PARVA: variants seen among roughly 807,000 people sequenced by gnomAD.
PARVA encodes the protein alpha-parvin.
In PARVA, 25 loss-of-function variants were observed where a neutral mutation model predicts 52.6. The ratio of observed to expected loss-of-function variants is 0.48; its 90% CI spans 0.35 to 0.66. PARVA has a LOEUF of 0.66. Ranked by LOEUF, PARVA falls within the 30% of genes least tolerant of loss-of-function variation. The probability of loss-of-function intolerance (pLI) is 0.01; values close to 1 mark genes in which losing one functional copy is unlikely to be tolerated. For missense variants in PARVA, 373 were observed against 450.9 expected, an observed-to-expected ratio of 0.83 and a Z score of 1.56; for synonymous variants, 185 against 179.1, an observed-to-expected ratio of 1.03 and a Z score of -0.26.
At chr11:12,390,155 C>T (rs1022714827) in intron 1 of PARVA, among the ~76,000 whole-genome samples, 2 of 152,158 alleles carry the variant, frequency 1.3e-5, no homozygotes, top group Non-Finnish European at 2.9e-5. Context: ...TCGTTTCTTT[C>T]CAGGAAACAT....
intron 6 of PARVA, among the ~76,000 whole-genome samples, chr11:12,505,760 T>C (rs1367642586): frequency 6.6e-6 from 1 of 152,226 alleles, no homozygotes; most frequent in East Asian, 1.9e-4. Flanking sequence ...TCAAGCATCT[T>C]CCTAGTGAGT....
At position 12,472,530 on chromosome 11, in the gene PARVA, G is replaced by A. The variant is rs118016324; in HGVS notation, c.137-1215G>A. ...CCATGCAAGTTGTGTCTCTTAGGGC[G>A]TAGAGAGTGTTTCACTCCCTTTGTT... On this transcript the variant is annotated intron_variant, in intron 1 of 12. Transcript: ENST00000334956. 2.2e-4 allele frequency among the ~76,000 whole-genome samples: 34 copies of A among 152,256 alleles called. No homozygotes were observed. In the East Asian group the frequency reaches 5.0e-3, roughly 23 times the overall value.
chr11:12,382,826 A>G (rs1810037821), intron 1 of PARVA, among the ~76,000 whole-genome samples: 1 of 152,236 alleles, frequency 6.6e-6, no homozygotes, highest in South Asian at 2.1e-4. Context: ...TGAGAATAAG[A>G]ATTCCTTCTT....
Position 12,466,455 on chromosome 11 carries a change from C to T in PARVA, c.137-7290C>T, listed in dbSNP as rs564608515. 1.4e-4 allele frequency among the ~76,000 whole-genome samples: 22 copies of T among 151,916 alleles called. No individual in the cohort carries two copies. The East Asian group carries it at 2.9e-3, about 20-fold the overall frequency. ...CCAAGTAGCTGGGACTACAGGCATGCGCCACCATGCCTGGCTAATTTTTGT... is the reference window on the plus strand; with the variant it reads ...CCAAGTAGCTGGGACTACAGGCATGTGCCACCATGCCTGGCTAATTTTTGT... On this transcript the variant is annotated intron_variant, in intron 1 of 12. Transcript: ENST00000334956.
chr11:12,406,921 C>G (rs144884144), intron 1 of PARVA, among the ~76,000 whole-genome samples: 28 of 152,128 alleles, frequency 1.8e-4, no homozygotes, highest in African/African-American at 5.1e-4. Flanking sequence ...CCACCTGCCT[C>G]GGCTTCCCAA....
chr11:12,470,361 CTTTGCATATAT>C (rs1371609067), intron 1 of PARVA, among the ~76,000 whole-genome samples: 2 of 152,208 alleles, frequency 1.3e-5, no homozygotes, highest in Non-Finnish European at 2.9e-5. Flanking sequence ...CTTCTGGGTA[CTTTGCATATAT>C]TAACTCATTT....
At chr11:12,402,738 A>C (rs933944264) in intron 1 of PARVA, among the ~76,000 whole-genome samples, 1 of 152,144 alleles carries the variant, frequency 6.6e-6, no homozygotes, top group African/African-American at 2.4e-5. Flanking sequence ...TTTCAAAGAG[A>C]TGTTGACATG....
At chr11:12,377,485 G>A, upstream of PARVA, 1 of 1,418,240 alleles carries the variant, frequency 7.1e-7, no homozygotes, top group South Asian at 1.5e-5. Flanking sequence ...AGGGAGCGAG[G>A]GAGGGAGCGA....
At position 12,504,348 on chromosome 11, in the gene PARVA, C is replaced by G; in HGVS notation, c.576C>G (p.His192Gln). The G allele has an allele frequency of 6.2e-7, 1 of 1,613,552 alleles. No homozygotes were observed. The highest frequency in any genetic ancestry group is 8.5e-7 in the Non-Finnish European group (1 of 1,179,478). The change falls in exon 6 of 13, where the codon CAC becomes CAG. Residue 192 changes from histidine to glutamine, a missense_variant. His to Gln is a conservative substitution (Grantham distance 24). Transcript: ENST00000334956. ...CCAAGAGCCTGGTGGCCATCTTACACCTGCTCGTTGCTCTGTCTCAGTATT... is the reference window on the plus strand; with the variant it reads ...CCAAGAGCCTGGTGGCCATCTTACAGCTGCTCGTTGCTCTGTCTCAGTATT... ...VHAKSLVAIL[H>Q]LLVALSQYFR...
intron 1 of PARVA, among the ~76,000 whole-genome samples, chr11:12,429,218 C>T (rs1940280036): frequency 6.6e-6 from 1 of 152,164 alleles, no homozygotes; most frequent in Non-Finnish European, 1.5e-5. Context: ...TCGCCTCAAA[C>T]AGTCCTCCCA....
intron 1 of PARVA, among the ~76,000 whole-genome samples, chr11:12,460,184 G>A (rs1008674653): frequency 2.0e-5 from 3 of 152,120 alleles, no homozygotes; most frequent in Non-Finnish European, 2.9e-5. Context: ...CCTAATGGAC[G>A]AAACATTTTC....
chr11:12,401,004 TAATAA>T (rs915955702), intron 1 of PARVA, among the ~76,000 whole-genome samples: 2 of 152,216 alleles, frequency 1.3e-5, no homozygotes, highest in Non-Finnish European at 2.9e-5. Context: ...ATTTGTTGTT[TAATAA>T]CATGAGGAGA....
Position 12,533,912 on chromosome 11 carries a change from T to C in PARVA, c.*5987T>C, listed in dbSNP as rs1941803878. Among the ~76,000 whole-genome samples, 1 of 152,014 alleles carries C rather than the reference T, an allele frequency of 6.6e-6. No homozygotes were observed. Among genetic ancestry groups the C allele is most frequent in the Non-Finnish European group, 1.5e-5 (1 of 67,988 alleles). On this transcript the variant is annotated 3_prime_UTR_variant, in exon 13 of 13. Coordinates refer to ENST00000334956, the MANE Select transcript of PARVA (RefSeq NM_018222.5). ...GGCCGAGCACGGTGGCTCACACCTG[T>C]AATCCCAGCACTTTGGGAGGCCGAG...
At chr11:12,445,436 C>T (rs1940531057) in intron 1 of PARVA, among the ~76,000 whole-genome samples, 1 of 152,224 alleles carries the variant, frequency 6.6e-6, no homozygotes, top group African/African-American at 2.4e-5. Context: ...TTGTCTCTCC[C>T]CTCTCTCCCA....
chr11:12,391,474 G>A (rs1939657423), intron 1 of PARVA, among the ~76,000 whole-genome samples: 1 of 152,192 alleles, frequency 6.6e-6, no homozygotes, highest in Non-Finnish European at 1.5e-5. Flanking sequence ...GTGATTCATG[G>A]TCTAGCTTAT....
chr11:12,450,309 C>T (rs1940605567), intron 1 of PARVA, among the ~76,000 whole-genome samples: 1 of 152,224 alleles, frequency 6.6e-6, no homozygotes, highest in South Asian at 2.1e-4. Context: ...GAAACTAGGA[C>T]ACAGTAGAAC....
intron 4 of PARVA, among the ~76,000 whole-genome samples, chr11:12,490,637 A>T (rs745792474): frequency 3.3e-5 from 5 of 152,192 alleles, no homozygotes; most frequent in African/African-American, 7.2e-5. Context: ...AGGAAGGAAA[A>T]TGAACCCCCC....
chr11:12,393,173 C>T (rs201758776), intron 1 of PARVA, among the ~76,000 whole-genome samples: 1 of 129,076 alleles, frequency 7.7e-6, no homozygotes, highest in African/African-American at 2.6e-5. Context: ...CTGTTAATAA[C>T]AACAATAATA....
intron 1 of PARVA, among the ~76,000 whole-genome samples, chr11:12,435,855 T>A (rs1159473263): frequency 6.6e-6 from 1 of 152,212 alleles, no homozygotes; most frequent in Non-Finnish European, 1.5e-5. Flanking sequence ...TCTTGCTTTG[T>A]CGCCCAGGCT....
Sources: allele counts gnomAD v4.1 joint callset (sites outside exome capture counted in the v4.1 genomes callset), GRCh38; gene constraint gnomAD v4.1.1; transcripts MANE v1.5; gene names NCBI Gene and HGNC (gene_info 2026-07-23, HGNC 2026-07-21).